Variants in UGT2B10 observed in about 807,000 individuals in gnomAD.
UGT2B10 encodes UDP-glucuronosyltransferase 2B10.
Under a neutral mutation model 43.7 loss-of-function variants are expected in UGT2B10, and 51 were observed. The ratio of observed to expected loss-of-function variants is 1.17; its 90% CI spans 0.93 to 1.47. UGT2B10 has a LOEUF of 1.47. Ranked by LOEUF, UGT2B10 falls within the 40% of genes most tolerant of loss-of-function variation. The probability of loss-of-function intolerance (pLI) is 0.00; values close to 1 mark genes in which losing one functional copy is unlikely to be tolerated. For missense variants in UGT2B10, 696 were observed against 617.7 expected (o/e 1.13, Z -1.34); for synonymous variants, 225 against 209.0 (o/e 1.08, Z -0.66).
intron 2 of UGT2B10, among the ~76,000 whole-genome samples, chr4:68,819,754 A>G (rs1286486032): frequency 6.6e-6 from 1 of 152,014 alleles, no homozygotes; most frequent in Non-Finnish European, 1.5e-5. Flanking sequence ...GTTTCTGAAT[A>G]GTGCCCTTAA....
chr4:68,819,777 A>C (rs906959553), intron 2 of UGT2B10, among the ~76,000 whole-genome samples: 1 of 152,024 alleles, frequency 6.6e-6, no homozygotes, highest in African/African-American at 2.4e-5. Context: ...TCAATACGAA[A>C]AAAAATTCCG....
chr4:68,826,094 T>C (rs546902161), intron 3 of UGT2B10, among the ~76,000 whole-genome samples: 9 of 152,292 alleles, frequency 5.9e-5, no homozygotes, highest in African/African-American at 1.9e-4. Flanking sequence ...TGATGTGTGA[T>C]GTTAAACTTT....
At chr4:68,825,452 T>C (rs1737726266) in intron 3 of UGT2B10, among the ~76,000 whole-genome samples, 1 of 151,984 alleles carries the variant, frequency 6.6e-6, no homozygotes, top group South Asian at 2.1e-4. Context: ...TTAAGACTAA[T>C]ATTCATTTAT....
At position 68,831,023 on chromosome 4, in the gene UGT2B10, G is replaced by A. The variant is rs1738073852; in HGVS notation, c.*144G>A. ...AGTCTACCTTGTCAAGTAAAAATTTGTTTTTCAGAGATTTACCACCCAGTT... is the reference window on the plus strand; with the variant it reads ...AGTCTACCTTGTCAAGTAAAAATTTATTTTTCAGAGATTTACCACCCAGTT... On this transcript the variant is annotated 3_prime_UTR_variant, in exon 6 of 6. Coordinates refer to ENST00000265403, the MANE Select transcript of UGT2B10 (RefSeq NM_001075.6). 9.4e-6 allele frequency: 11 copies of A among 1,165,524 alleles called. No homozygotes were observed. The highest frequency in any genetic ancestry group is 1.3e-5 in the Non-Finnish European group (11 of 842,950). 72.2% of individuals were successfully genotyped at this position (1,165,524 alleles called of 1,614,324 possible).
chr4:68,827,222 A>G (rs1737826484), intron 4 of UGT2B10, 107 bp from the exon 5 acceptor site: 2 of 1,557,616 alleles, frequency 1.3e-6, no homozygotes, highest in Non-Finnish European at 1.8e-6. Context: ...AGTAATAGCA[A>G]ATTAGTTCAG....
chr4:68,824,913 A>T (rs1488194528), intron 3 of UGT2B10, among the ~76,000 whole-genome samples: 1 of 152,120 alleles, frequency 6.6e-6, no homozygotes, highest in Non-Finnish European at 1.5e-5. Context: ...ATCCAAAATT[A>T]GCAATACTGG....
chr4:68,827,918 T>C (rs984127196), intron 5 of UGT2B10, among the ~76,000 whole-genome samples: 46 of 129,128 alleles, frequency 3.6e-4, no homozygotes, highest in African/African-American at 1.2e-3. Flanking sequence ...AGAATATAAC[T>C]ATTTTCTTGC....
rs1360754539 is a variant in UGT2B10, at chr4:68,831,957, T to C, written c.*1078T>C. Among the ~76,000 whole-genome samples, 10 of 152,212 alleles carry C rather than the reference T, an allele frequency of 6.6e-5. No individual in the cohort carries two copies. Among genetic ancestry groups the C allele is most frequent in the South Asian group, 4.1e-4 (2 of 4,824 alleles). On this transcript the variant is annotated 3_prime_UTR_variant, in exon 6 of 6. Coordinates refer to ENST00000265403, the MANE Select transcript of UGT2B10 (RefSeq NM_001075.6). ...TAGTCACTCTGAGCCATGGTCATGA[T>C]GACTTAGGATTCTGGATCTCTTATG...
At position 68,830,870 on chromosome 4, in the gene UGT2B10, A is replaced by C. The variant is rs1289318107; in HGVS notation, c.1578A>C (p.Lys526Asn). The C allele has an allele frequency of 6.2e-7, 1 of 1,612,758 alleles. No individual in the cohort carries two copies. The highest frequency in any genetic ancestry group is 1.7e-5 in the Admixed American group (1 of 59,844). ...TTGCTAGAAAAGGAAAGAAGGGAAAAAGGGATTAGTTATATCTGAGATTTG... is the reference window on the plus strand; with the variant it reads ...TTGCTAGAAAAGGAAAGAAGGGAAACAGGGATTAGTTATATCTGAGATTTG... ...WKFARKGKKG[K>N]RD Residue 526 changes from lysine to asparagine, a missense_variant, in exon 6 of 6, where the codon AAA (lysine) becomes AAC (asparagine). Lys to Asn is a moderately conservative substitution (Grantham distance 94, BLOSUM62 0). Coordinates refer to ENST00000265403, the MANE Select transcript of UGT2B10 (RefSeq NM_001075.6).
chr4:68,830,081 G>A (rs187033751), intron 5 of UGT2B10, among the ~76,000 whole-genome samples: 186 of 152,088 alleles, frequency 1.2e-3, no homozygotes, highest in Non-Finnish European at 1.8e-3. Flanking sequence ...TTCTCAGATT[G>A]CATTTTCACA....
At chr4:68,829,189 G>T (rs1737951906) in intron 5 of UGT2B10, among the ~76,000 whole-genome samples, 1 of 151,934 alleles carries the variant, frequency 6.6e-6, no homozygotes, top group South Asian at 2.1e-4. Context: ...CACAGCAATG[G>T]AATTACCCAA....
chr4:68,818,222 A>T lies in UGT2B10; in HGVS notation c.867+45A>T, dbSNP rs574832480. On this transcript the variant is annotated intron_variant, in intron 2 of 5. Coordinates refer to ENST00000265403, the MANE Select transcript of UGT2B10 (RefSeq NM_001075.6). ...TTTTATTTTGTTGGCTTCAAATTTC[A>T]GTAGAAATGACTGTATAGTCTTCAT... 1,257 of 1,601,724 alleles carry T rather than the reference A, an allele frequency of 7.8e-4. 18 individuals carry two copies. In the South Asian group the frequency reaches 0.014, roughly 17 times the overall value.
Position 68,830,793 on chromosome 4 carries a change from G to A in UGT2B10, c.1501G>A (p.Ala501Thr), listed in dbSNP as rs1399749119. Residue 501 changes from alanine to threonine, a missense_variant, in exon 6 of 6, where the codon GCA becomes ACA. Physicochemically the swap from Ala to Thr is moderately conservative, Grantham distance 58. Transcript: ENST00000265403. Reference protein sequence around the residue: ...DVIGFLLACVATVLFIITKCC... With the variant: ...DVIGFLLACVTTVLFIITKCC... ...GATTGGGTTCCTGCTGGCTTGTGTG[G>A]CAACCGTGCTATTTATCATCACAAA... 6.2e-7 allele frequency: 1 copy of A among 1,613,298 alleles called. No individual in the cohort carries two copies.
At chr4:68,819,929 G>A (rs748935135) in intron 2 of UGT2B10, among the ~76,000 whole-genome samples, 4 of 151,976 alleles carry the variant, frequency 2.6e-5, no homozygotes, top group Admixed American at 6.6e-5. Flanking sequence ...ATTTTTGCTT[G>A]CATAAAACTG....
chr4:68,828,184 TTATTCTC>T, intron 5 of UGT2B10, among the ~76,000 whole-genome samples: 1 of 152,088 alleles, frequency 6.6e-6, no homozygotes, highest in Non-Finnish European at 1.5e-5. Context: ...TCTCTATAGA[TTATTCTC>T]TATAGATGTT....
intron 2 of UGT2B10, among the ~76,000 whole-genome samples, chr4:68,819,352 T>C (rs1737382233): frequency 6.6e-6 from 1 of 151,948 alleles, no homozygotes; most frequent in East Asian, 1.9e-4. Context: ...CAGATACCCT[T>C]GGACTTGATT....
Position 68,818,036 on chromosome 4 carries a change from C to T in UGT2B10, c.726C>T (p.Pro242=). The T allele has an allele frequency of 6.2e-7, 1 of 1,608,180 alleles. No homozygotes were observed. The change falls in exon 2 of 6, where the codon CCC becomes CCT. Residue 242 remains proline, a synonymous_variant. Coordinates refer to ENST00000265403, the MANE Select transcript of UGT2B10 (RefSeq NM_001075.6). ...DQFYSEVLGR[P]TTLSETMRKA... ...TTTCTTTATTCCTATCAGGAAGACC[C>T]ACTACATTATCTGAGACAATGAGGA...
At chr4:68,828,555 T>C (rs1737919545) in intron 5 of UGT2B10, among the ~76,000 whole-genome samples, 1 of 151,880 alleles carries the variant, frequency 6.6e-6, no homozygotes, top group African/African-American at 2.4e-5. Flanking sequence ...TAAAACAAAG[T>C]GGTAGATTTA....
Position 68,831,632 on chromosome 4 carries a change from A to G in UGT2B10, c.*753A>G, listed in dbSNP as rs1738105123. Reference sequence around the variant, plus strand: ...ACTTAATGCTCTGAAAATTACCAGTAAACTGATTAAAATCTAAAATTGCTT... The same window carrying G: ...ACTTAATGCTCTGAAAATTACCAGTGAACTGATTAAAATCTAAAATTGCTT... On this transcript the variant is annotated 3_prime_UTR_variant, in exon 6 of 6. Transcript: ENST00000265403. Among the ~76,000 whole-genome samples, 1 of 152,148 alleles carries G rather than the reference A, an allele frequency of 6.6e-6. No homozygotes were observed. Among genetic ancestry groups the G allele is most frequent in the African/African-American group, 2.4e-5 (1 of 41,456 alleles).
Sources: gnomAD v4.1 joint callset for allele counts (sites outside exome capture counted in the v4.1 genomes callset) on GRCh38, gnomAD v4.1.1 for gene constraint, MANE v1.5 for transcripts, NCBI Gene and HGNC (gene_info 2026-07-23, HGNC 2026-07-21) for gene names.